Variants in NPC1 observed in about 807,000 individuals in gnomAD.
NPC1 encodes NPC intracellular cholesterol transporter 1.
In NPC1, 85 loss-of-function variants were observed where a neutral mutation model predicts 140.4. The ratio of observed to expected loss-of-function variants is 0.61; its 90% CI spans 0.51 to 0.72. The LOEUF (loss-of-function observed/expected upper bound fraction) is 0.72, where lower values mean the gene tolerates loss of function less well. NPC1 is among the 30% of genes least tolerant of loss of function. NPC1 has a pLI of 0.00. For synonymous variants in NPC1, 656 were observed against 624.8 expected (o/e 1.05, Z -0.74); for missense variants, 1,504 against 1,623.8 (o/e 0.93, Z 1.27).
intron 1 of NPC1, among the ~76,000 whole-genome samples, chr18:23,574,905 T>G (rs2059253178): frequency 1.3e-5 from 2 of 152,310 alleles, no homozygotes; most frequent in South Asian, 4.1e-4. Flanking sequence ...AAAAGAAACG[T>G]ATTGCAACTC....
downstream of NPC1, chr18:23,524,309 C>T: frequency 3.4e-6 from 5 of 1,480,106 alleles, no homozygotes; most frequent in Non-Finnish European, 3.8e-6. Flanking sequence ...CCCTGACTGT[C>T]CAGGGGCCTC....
intron 3 of NPC1, among the ~76,000 whole-genome samples, chr18:23,569,608 G>A (rs936105305): frequency 2.6e-5 from 4 of 152,156 alleles, no homozygotes; most frequent in East Asian, 1.9e-4. Flanking sequence ...CGACATGAGC[G>A]CTGCACCAGC....
At chr18:23,524,498 C>T (rs2058235833), downstream of NPC1, 2 of 1,613,232 alleles carry the variant, frequency 1.2e-6, no homozygotes, top group Non-Finnish European at 1.7e-6. Flanking sequence ...TCAGCGGGGA[C>T]AGTTGTCGTG....
chr18:23,571,527 T>C (rs2059203023), intron 3 of NPC1, among the ~76,000 whole-genome samples: 4 of 151,948 alleles, frequency 2.6e-5, no homozygotes, highest in Admixed American at 2.6e-4. Context: ...TGTGGTGGCA[T>C]GTGCCTGCAG....
At chr18:23,543,693 T>C in intron 13 of NPC1, 124 bp from the exon 14 acceptor site, 1 of 675,332 alleles carries the variant, frequency 1.5e-6, no homozygotes, top group South Asian at 1.7e-5. Context: ...CAGTGTCTTC[T>C]AAGCATATAA....
In NPC1 at chr18:23,545,794, A is replaced by G. The variant is rs544901977; in HGVS notation, c.1758-645T>C. On this transcript the variant is annotated intron_variant, in intron 11 of 24. Transcript: ENST00000269228. ...TTTTTGTAGAGATGGGGTCTTTGCC[A>G]TGTTGTGCAAGCTGGTCTCAAACTC... Among the ~76,000 whole-genome samples, 14 of 152,236 alleles carry G rather than the reference A, an allele frequency of 9.2e-5. No individual in the cohort carries two copies. In the South Asian group the frequency reaches 1.9e-3, roughly 20 times the overall value.
chr18:23,524,734 A>AG (rs1567929285), downstream of NPC1, among the ~76,000 whole-genome samples: 2 of 152,000 alleles, frequency 1.3e-5, no homozygotes, highest in Non-Finnish European at 2.9e-5. Flanking sequence ...ATTCTGGAAA[A>AG]GCCAGACTCC....
intron 11 of NPC1, among the ~76,000 whole-genome samples, chr18:23,546,860 A>G (rs1258742351): frequency 6.6e-6 from 1 of 152,240 alleles, no homozygotes; most frequent in Non-Finnish European, 1.5e-5. Flanking sequence ...GGAGGGTGTT[A>G]GTTAAAGGGT....
downstream of NPC1, among the ~76,000 whole-genome samples, chr18:23,524,782 G>T (rs1468042004): frequency 2.0e-5 from 3 of 151,842 alleles, no homozygotes; most frequent in Non-Finnish European, 4.4e-5. Context: ...CCACCCCAGG[G>T]TGTCTCCCTC....
chr18:23,518,913 T>G (rs1227112419), downstream of NPC1: 1 of 1,614,130 alleles, frequency 6.2e-7, no homozygotes, highest in Non-Finnish European at 8.5e-7. Context: ...TATGTTCTCT[T>G]CTTGAGGCAT....
chr18:23,546,360 A>G (rs2058790216), intron 11 of NPC1, among the ~76,000 whole-genome samples: 1 of 152,048 alleles, frequency 6.6e-6, no homozygotes, highest in Non-Finnish European at 1.5e-5. Flanking sequence ...ACAAAGTCAG[A>G]TAATAAAAAG....
intron 3 of NPC1, among the ~76,000 whole-genome samples, chr18:23,514,334 G>A (rs368955907): frequency 1.3e-5 from 2 of 152,180 alleles, no homozygotes; most frequent in African/African-American, 4.8e-5. Flanking sequence ...GGCCGCCATG[G>A]CGAAACCCCG....
intron 5 of NPC1, 98 bp from the exon 6 acceptor site, chr18:23,560,578 A>G: frequency 8.3e-7 from 1 of 1,210,130 alleles, no homozygotes; most frequent in South Asian, 1.4e-5. Context: ...GAAATACATA[A>G]AACAACTGAA....
intron 9 of NPC1, among the ~76,000 whole-genome samples, chr18:23,554,319 C>T (rs1318708554): frequency 6.6e-6 from 1 of 152,178 alleles, no homozygotes; most frequent in Non-Finnish European, 1.5e-5. Flanking sequence ...AAGATGTAAG[C>T]TTCCAGCTGG....
At chr18:23,558,727 T>TTTA (rs981829192) in intron 6 of NPC1, among the ~76,000 whole-genome samples, 3 of 152,180 alleles carry the variant, frequency 2.0e-5, no homozygotes, top group African/African-American at 7.2e-5. Flanking sequence ...GTTTTTTTTT[T>TTTA]AATTATTATT....
At chr18:23,541,571 T>A in intron 14 of NPC1, 138 bp from the exon 15 acceptor site, 4 of 1,121,112 alleles carry the variant, frequency 3.6e-6, no homozygotes, top group Non-Finnish European at 5.3e-6. Context: ...CGGCTGGACA[T>A]TACACCAGAA....
intron 23 of NPC1, chr18:23,533,935 G>A (rs1395840878): frequency 3.1e-6 from 1 of 327,508 alleles, no homozygotes; most frequent in Non-Finnish European, 5.8e-6. Flanking sequence ...TAAAAGCTGT[G>A]TATTCTGCAC....
At chr18:23,569,172 A>G (rs990100236) in intron 3 of NPC1, among the ~76,000 whole-genome samples, 174 bp from the exon 4 acceptor site, 2 of 152,232 alleles carry the variant, frequency 1.3e-5, no homozygotes, top group Non-Finnish European at 2.9e-5. Flanking sequence ...ATAAAGGCAC[A>G]CCTTTAAAAA....
At chr18:23,526,969 T>A (rs1296544967), downstream of NPC1, among the ~76,000 whole-genome samples, 1 of 151,996 alleles carries the variant, frequency 6.6e-6, no homozygotes, top group African/African-American at 2.4e-5. Context: ...AAAAGAACAA[T>A]AAATGGGATG....
Sources: gnomAD v4.1 joint callset for allele counts (sites outside exome capture counted in the v4.1 genomes callset) on GRCh38, gnomAD v4.1.1 for gene constraint, MANE v1.5 for transcripts, NCBI Gene and HGNC (gene_info 2026-07-23, HGNC 2026-07-21) for gene names.